The following DLGAP2 variants were observed in gnomAD, a reference collection of about 807,000 sequenced individuals.
The protein encoded by DLGAP2 is disks large-associated protein 2.
In DLGAP2, 26 loss-of-function variants were observed where a neutral mutation model predicts 100.3. The observed-to-expected ratio is 0.26, with a 90% CI of 0.19 to 0.36. DLGAP2 has a LOEUF of 0.36. Ranked by LOEUF, DLGAP2 falls within the 10% of genes least tolerant of loss-of-function variation. The probability of loss-of-function intolerance (pLI) is 1.00; values close to 1 mark genes in which losing one functional copy is unlikely to be tolerated. For synonymous variants in DLGAP2, 886 were observed against 630.1 expected (o/e 1.41, Z -6.08); for missense variants, 1,858 against 1,453.2 (o/e 1.28, Z -4.53).
intron 2 of DLGAP2, among the ~76,000 whole-genome samples, chr8:975,488 G>C (rs1158237782): frequency 6.6e-6 from 1 of 152,012 alleles, no homozygotes; most frequent in African/African-American, 2.4e-5. Flanking sequence ...CATAGATGTG[G>C]AGATCCTCAG....
At chr8:1,232,410 C>T (rs1798555507) in intron 2 of DLGAP2, among the ~76,000 whole-genome samples, 2 of 152,316 alleles carry the variant, frequency 1.3e-5, no homozygotes, top group Admixed American at 6.5e-5. Flanking sequence ...CTGCCCCATC[C>T]CTTTCTCCAG....
chr8:1,233,741 G>A (rs757614733), intron 2 of DLGAP2, among the ~76,000 whole-genome samples: 12 of 152,200 alleles, frequency 7.9e-5, no homozygotes, highest in African/African-American at 1.2e-4. Context: ...ACGCAGGGCT[G>A]TAAGTATTTA....
intron 2 of DLGAP2, among the ~76,000 whole-genome samples, chr8:1,162,313 ATGTT>A (rs1250537196): frequency 6.6e-6 from 1 of 152,214 alleles, no homozygotes; most frequent in African/African-American, 2.4e-5. Flanking sequence ...ACTCCATTAC[ATGTT>A]TGTTTCTAGC....
At chr8:1,554,710 C>T (rs1360300974) in intron 5 of DLGAP2, among the ~76,000 whole-genome samples, 2 of 152,214 alleles carry the variant, frequency 1.3e-5, no homozygotes, top group East Asian at 1.9e-4. Context: ...AGGGTCTCTC[C>T]GGGCACCTAG....
intron 2 of DLGAP2, among the ~76,000 whole-genome samples, chr8:1,179,125 A>G (rs1797325730): frequency 6.6e-6 from 1 of 152,144 alleles, no homozygotes; most frequent in Non-Finnish European, 1.5e-5. Context: ...TACGATACCA[A>G]AGTGCCTGGA....
At chr8:743,664 A>G (rs772346194) in intron 1 of DLGAP2, among the ~76,000 whole-genome samples, 5 of 152,164 alleles carry the variant, frequency 3.3e-5, no homozygotes, top group African/African-American at 4.8e-5. Context: ...CCTGGGCTCA[A>G]GCGATCTTCC....
chr8:1,695,630 C>T (rs992286310), intron 13 of DLGAP2, among the ~76,000 whole-genome samples: 4 of 151,580 alleles, frequency 2.6e-5, no homozygotes, highest in Middle Eastern at 3.4e-3. Flanking sequence ...CAGCCATGCC[C>T]GGCACTACAG....
chr8:902,234 T>C (rs957434213), intron 1 of DLGAP2, among the ~76,000 whole-genome samples: 1 of 152,108 alleles, frequency 6.6e-6, no homozygotes, highest in Admixed American at 6.5e-5. Context: ...CGGGCTCTGA[T>C]CATTCCTACT....
At position 783,604 on chromosome 8, in the gene DLGAP2, G is replaced by A. The variant is rs549346595; in HGVS notation, c.18+45779G>A. Among the ~76,000 whole-genome samples, 375 of 151,922 alleles carry A rather than the reference G, an allele frequency of 2.5e-3. 2 individuals carry two copies. The highest frequency in any genetic ancestry group is 3.9e-3 in the Non-Finnish European group (266 of 67,956). On this transcript the variant is annotated intron_variant, in intron 1 of 14. Transcript: ENST00000637795. ...GATATGAGATGGTTTTAAGGAAGTT[G>A]ATTTCTTATCTTAGGGTTTACGGGT...
intron 3 of DLGAP2, among the ~76,000 whole-genome samples, chr8:1,416,035 G>A (rs1308067555): frequency 6.6e-6 from 1 of 152,130 alleles, no homozygotes; most frequent in African/African-American, 2.4e-5. Flanking sequence ...GGAAGCAGGT[G>A]GAAAATGCAA....
chr8:782,237 TA>T (rs58551949), intron 1 of DLGAP2, among the ~76,000 whole-genome samples: 33,910 of 149,084 alleles, frequency 0.23, 4,371 homozygotes, highest in Non-Finnish European at 0.3. Flanking sequence ...TAAAAAAAAT[TA>T]AAAAAAAAAC....
intron 4 of DLGAP2, among the ~76,000 whole-genome samples, chr8:1,507,378 C>G (rs1799961083): frequency 6.6e-6 from 1 of 152,220 alleles, no homozygotes; most frequent in Non-Finnish European, 1.5e-5. Context: ...CCAGCACATC[C>G]TCCGCAGCTG....
chr8:1,047,610 A>T (rs1802551154), intron 2 of DLGAP2, among the ~76,000 whole-genome samples: 1 of 152,140 alleles, frequency 6.6e-6, no homozygotes, highest in Admixed American at 6.5e-5. Context: ...CAAGATCAAG[A>T]CACTGGCAGG....
In DLGAP2 at chr8:872,911, G is replaced by A. The variant is rs147940510; in HGVS notation, c.19-35001G>A. On this transcript the variant is annotated intron_variant, in intron 1 of 14. Transcript: ENST00000637795. ...GACCCCCACAGATACGCAGATCCACGGATGCTCAAGTCCCTGATGGCAAAA... is the reference window on the plus strand; with the variant it reads ...GACCCCCACAGATACGCAGATCCACAGATGCTCAAGTCCCTGATGGCAAAA... Among the ~76,000 whole-genome samples, 1,328 of 152,202 alleles carry A rather than the reference G, an allele frequency of 8.7e-3. 18 individuals are homozygous for A. Among genetic ancestry groups the A allele is most frequent in the African/African-American group, 0.03 (1,245 of 41,514 alleles).
intron 2 of DLGAP2, among the ~76,000 whole-genome samples, chr8:1,194,727 A>G (rs1465184989): frequency 6.6e-6 from 1 of 152,158 alleles, no homozygotes; most frequent in Admixed American, 6.5e-5. Context: ...GGCTGTGGAG[A>G]GTCCCTGGGC....
intron 3 of DLGAP2, among the ~76,000 whole-genome samples, chr8:1,427,021 A>T (rs545320351): frequency 3.3e-4 from 50 of 152,360 alleles, no homozygotes; most frequent in African/African-American, 1.2e-3. Context: ...TTTAAAGAAG[A>T]GGCTTCAATA....
chr8:1,620,723 G>A (rs372632278), intron 6 of DLGAP2, among the ~76,000 whole-genome samples: 2 of 152,082 alleles, frequency 1.3e-5, no homozygotes, highest in African/African-American at 4.8e-5. Flanking sequence ...GGAGCCTCTC[G>A]GGGTCTGTGT....
At chr8:1,647,717 G>T (rs1240356202) in intron 8 of DLGAP2, among the ~76,000 whole-genome samples, 1 of 152,132 alleles carries the variant, frequency 6.6e-6, no homozygotes, top group Admixed American at 6.5e-5. Context: ...GGAGCTGCCA[G>T]TCCCCTGCCG....
chr8:1,200,101 G>T (rs530651447), intron 2 of DLGAP2, among the ~76,000 whole-genome samples: 1 of 152,316 alleles, frequency 6.6e-6, no homozygotes, highest in East Asian at 1.9e-4. Flanking sequence ...GTAGGCTGAA[G>T]GGTCGGGGGC....
Sources: gnomAD v4.1 joint callset for allele counts (sites outside exome capture counted in the v4.1 genomes callset) on GRCh38, gnomAD v4.1.1 for gene constraint, MANE v1.5 for transcripts, NCBI Gene and HGNC (gene_info 2026-07-23, HGNC 2026-07-21) for gene names.